The following GHR variants were observed in gnomAD, a reference collection of about 807,000 sequenced individuals.
The protein encoded by GHR is GH receptor.
GHR carries 35 observed loss-of-function variants against 67.1 expected under a neutral mutation model. The observed-to-expected ratio is 0.52, with a 90% confidence interval of 0.40 to 0.69. The LOEUF is 0.69. Among genes scored for constraint, GHR ranks in the 30% least tolerant of loss-of-function variants. GHR has a pLI of 0.00. For synonymous variants in GHR, 272 were observed against 269.1 expected, an observed-to-expected ratio of 1.01 and a Z score of -0.10; for missense variants, 792 against 764.6, an observed-to-expected ratio of 1.04 and a Z score of -0.42.
chr5:42,699,759 A>G, intron 5 of GHR, 65 bp from the exon 6 acceptor site: 2 of 1,003,068 alleles, frequency 2.0e-6, no homozygotes, highest in South Asian at 2.5e-5. Flanking sequence ...TCTTCTGAGA[A>G]GAATGCCTTC....
intron 3 of GHR, among the ~76,000 whole-genome samples, chr5:42,652,534 T>C (rs1265429551): frequency 6.6e-6 from 1 of 152,170 alleles, no homozygotes; most frequent in Non-Finnish European, 1.5e-5. Context: ...GATGCAAAAC[T>C]GTGAGGAAGT....
intron 1 of GHR, among the ~76,000 whole-genome samples, chr5:42,503,789 A>G (rs914381767): frequency 2.1e-5 from 3 of 142,166 alleles, no homozygotes; most frequent in Non-Finnish European, 4.7e-5. Flanking sequence ...CTCTCTAATT[A>G]GATGACTTTT....
At position 42,543,124 on chromosome 5, in the gene GHR, G is replaced by T. The variant is rs1748589416; in HGVS notation, c.-11-22740G>T. ...TGAGCAGGTATCTTTTTGATATAAT[G>T]ACTTATTTTCCTTTAGGTCGATTCC... On this transcript the variant is annotated intron_variant, in intron 1 of 9. Coordinates refer to ENST00000230882, the MANE Select transcript of GHR (RefSeq NM_000163.5). 2.6e-5 allele frequency among the ~76,000 whole-genome samples: 4 copies of T among 152,192 alleles called. No individual in the cohort carries two copies. The South Asian group carries it at 8.3e-4, about 32-fold the overall frequency.
intron 3 of GHR, among the ~76,000 whole-genome samples, chr5:42,663,289 C>CA (rs1755755000): frequency 6.6e-6 from 1 of 151,970 alleles, no homozygotes; most frequent in African/African-American, 2.4e-5. Flanking sequence ...GAGACACAAC[C>CA]AAAAAAGAGA....
intron 3 of GHR, among the ~76,000 whole-genome samples, chr5:42,674,272 AAAG>A (rs1756461487): frequency 6.6e-6 from 1 of 152,234 alleles, no homozygotes; most frequent in Non-Finnish European, 1.5e-5. Flanking sequence ...TAGAGGCTAA[AAAG>A]AAAACTAAAA....
At chr5:42,661,939 GT>G (rs1225375745) in intron 3 of GHR, among the ~76,000 whole-genome samples, 1 of 152,076 alleles carries the variant, frequency 6.6e-6, no homozygotes, top group African/African-American at 2.4e-5. Flanking sequence ...AACAAAAAAA[GT>G]CAGGGGTTGC....
chr5:42,509,415 G>T (rs1022863906), intron 1 of GHR, among the ~76,000 whole-genome samples: 1 of 152,084 alleles, frequency 6.6e-6, no homozygotes, highest in African/African-American at 2.4e-5. Flanking sequence ...CTAACTCTGC[G>T]CAGATAACCT....
intron 1 of GHR, among the ~76,000 whole-genome samples, chr5:42,555,477 G>A (rs1749257796): frequency 6.6e-6 from 1 of 152,114 alleles, no homozygotes; most frequent in Admixed American, 6.5e-5. Context: ...AGTTTGCCTA[G>A]TTCACAATTG....
intron 1 of GHR, among the ~76,000 whole-genome samples, chr5:42,547,839 T>G (rs1343415709): frequency 7.5e-6 from 1 of 133,370 alleles, no homozygotes; most frequent in Non-Finnish European, 1.6e-5. Flanking sequence ...CATTTACTCA[T>G]TAATTTCTTC....
chr5:42,663,202 C>G (rs1035506793), intron 3 of GHR, among the ~76,000 whole-genome samples: 1 of 152,196 alleles, frequency 6.6e-6, no homozygotes, highest in Non-Finnish European at 1.5e-5. Context: ...TGAAACCATT[C>G]CAATCAATAG....
chr5:42,715,546 TA>T (rs1758680546), intron 8 of GHR, among the ~76,000 whole-genome samples: 1 of 152,226 alleles, frequency 6.6e-6, no homozygotes, highest in Admixed American at 6.5e-5. Flanking sequence ...GTCAGGCTAT[TA>T]TTATACTGGT....
intron 2 of GHR, among the ~76,000 whole-genome samples, chr5:42,587,023 G>GA (rs776908883): frequency 0.018 from 2,393 of 134,150 alleles, 26 homozygotes; most frequent in African/African-American, 0.023. Context: ...AATACACACT[G>GA]AAAAAAAAAA....
chr5:42,451,912 A>G (rs1744068421), intron 1 of GHR, among the ~76,000 whole-genome samples: 2 of 152,180 alleles, frequency 1.3e-5, no homozygotes, highest in African/African-American at 4.8e-5. Context: ...TTTCAATGTT[A>G]GTATTGACAT....
At chr5:42,586,869 G>A (rs1030521933) in intron 2 of GHR, among the ~76,000 whole-genome samples, 2 of 152,146 alleles carry the variant, frequency 1.3e-5, no homozygotes, top group Non-Finnish European at 2.9e-5. Context: ...ACGTGGCACT[G>A]GGTATAGCAG....
At chr5:42,441,650 C>T (rs6884737) in intron 1 of GHR, among the ~76,000 whole-genome samples, 25,229 of 152,032 alleles carry the variant, frequency 0.17, 2,322 homozygotes, top group Middle Eastern at 0.27. Context: ...GCTGGGACTA[C>T]AGGTGCCCTC....
chr5:42,571,256 C>A (rs1433773644), intron 2 of GHR, among the ~76,000 whole-genome samples: 2 of 152,194 alleles, frequency 1.3e-5, no homozygotes, highest in African/African-American at 4.8e-5. Flanking sequence ...TGTACTATTT[C>A]TCTGAACTCC....
At chr5:42,703,703 A>G (rs920690891) in intron 6 of GHR, among the ~76,000 whole-genome samples, 2 of 151,806 alleles carry the variant, frequency 1.3e-5, no homozygotes, top group Non-Finnish European at 3.0e-5. Flanking sequence ...CTGTTCATTT[A>G]TTTGTGTTGT....
chr5:42,534,397 CATGTGTATATGTGT>C (rs1748151510), intron 1 of GHR, among the ~76,000 whole-genome samples: 1 of 108,662 alleles, frequency 9.2e-6, no homozygotes, highest in Non-Finnish European at 1.9e-5. Flanking sequence ...TATATATGTA[CATGTGTATATGTGT>C]ATATATGTAT....
At chr5:42,572,725 A>G (rs1485540674) in intron 2 of GHR, among the ~76,000 whole-genome samples, 1 of 152,166 alleles carries the variant, frequency 6.6e-6, no homozygotes, top group Non-Finnish European at 1.5e-5. Context: ...TTAAGCCTCA[A>G]CCTTCACAGT....
Sources: gnomAD v4.1 joint callset for allele counts (sites outside exome capture counted in the v4.1 genomes callset) on GRCh38, gnomAD v4.1.1 for gene constraint, MANE v1.5 for transcripts, NCBI Gene and HGNC (gene_info 2026-07-23, HGNC 2026-07-21) for gene names.